Variants in CFAP77 observed in about 807,000 individuals in gnomAD.
CFAP77 encodes cilia- and flagella-associated protein 77.
CFAP77 carries 25 observed loss-of-function variants against 31.1 expected under a neutral mutation model. The ratio of observed to expected loss-of-function variants is 0.80; its 90% CI spans 0.59 to 1.12. CFAP77 has a LOEUF of 1.12. CFAP77 is among the 50% of genes most tolerant of loss of function. CFAP77 has a pLI of 0.00. For missense variants in CFAP77, 377 were observed against 397.3 expected (o/e 0.95, Z 0.44); for synonymous variants, 151 against 159.9 (o/e 0.94, Z 0.42).
At chr9:132,472,391 T>G (rs1222176483) in intron 1 of CFAP77, among the ~76,000 whole-genome samples, 2 of 152,212 alleles carry the variant, frequency 1.3e-5, no homozygotes, top group African/African-American at 4.8e-5. Context: ...ACATGACTGT[T>G]TCCACAGTCT....
chr9:132,437,839 G>A (rs1415203362), intron 1 of CFAP77, among the ~76,000 whole-genome samples: 13 of 150,678 alleles, frequency 8.6e-5, no homozygotes, highest in Non-Finnish European at 1.5e-4. Flanking sequence ...AGATCACCCC[G>A]GGTGTGGAAA....
intron 1 of CFAP77, among the ~76,000 whole-genome samples, chr9:132,429,824 C>T (rs1055036889): frequency 2.0e-5 from 3 of 152,124 alleles, no homozygotes; most frequent in African/African-American, 7.2e-5. Context: ...GCACTCCAGC[C>T]TGGGCGACAG....
At chr9:132,530,802 C>G (rs895485181) in intron 3 of CFAP77, among the ~76,000 whole-genome samples, 14 of 152,108 alleles carry the variant, frequency 9.2e-5, no homozygotes, top group Non-Finnish European at 2.1e-4. Flanking sequence ...TTTTTTCTTT[C>G]ATGGGTTATA....
intron 1 of CFAP77, among the ~76,000 whole-genome samples, chr9:132,436,505 A>G (rs1446088274): frequency 1.3e-5 from 2 of 152,218 alleles, no homozygotes; most frequent in Non-Finnish European, 2.9e-5. Flanking sequence ...AAAAATTTGA[A>G]TTGGTCACTT....
At chr9:132,432,006 T>A (rs1850418636) in intron 1 of CFAP77, among the ~76,000 whole-genome samples, 1 of 152,140 alleles carries the variant, frequency 6.6e-6, no homozygotes, top group African/African-American at 2.4e-5. Flanking sequence ...AAACCACGCC[T>A]GTGAACGTCA....
chr9:132,411,533 G>T (rs1186106529), intron 1 of CFAP77, among the ~76,000 whole-genome samples: 3 of 152,158 alleles, frequency 2.0e-5, no homozygotes, highest in African/African-American at 7.2e-5. Context: ...CTGCACCTGG[G>T]GGAGGCTGGC....
chr9:132,519,778 A>AGATG (rs1268252199), intron 3 of CFAP77, among the ~76,000 whole-genome samples: 571 of 26,478 alleles, frequency 0.022, 8 homozygotes, highest in African/African-American at 0.072. Flanking sequence ...ATGGGTGGAT[A>AGATG]GATGGATGGA....
intron 1 of CFAP77, among the ~76,000 whole-genome samples, chr9:132,459,420 GGTGTGTGTGT>G (rs112825234): frequency 5.6e-5 from 8 of 143,870 alleles, no homozygotes; most frequent in Admixed American, 1.4e-4. Flanking sequence ...GGATGAATAG[GGTGTGTGTGT>G]GTGTGTGTGT....
rs1022826354 is a variant in CFAP77 at position 132,545,430 on chromosome 9, A to G, written c.732+2383A>G. On this transcript the variant is annotated intron_variant, in intron 5 of 5. Transcript: ENST00000393216. The surrounding 1 kb of genome is among the most constrained non-coding windows in gnomAD (Gnocchi z 4.6). The stretch of plus-strand genomic sequence containing the variant: ...GCCGAGACACATGACCTATCGGGCC[A>G]TAAAACTCATGAGAAAGAAAATCAA... Among the ~76,000 whole-genome samples the G allele has an allele frequency of 2.0e-5, 3 of 152,132 alleles. No homozygotes were observed. The highest frequency in any genetic ancestry group is 4.4e-5 in the Non-Finnish European group (3 of 68,026).
At position 132,554,601 on chromosome 9, in the gene CFAP77, T is replaced by C. The variant is rs1162581003; in HGVS notation, c.732+11554T>C. On this transcript the variant is annotated intron_variant, in intron 5 of 5. Coordinates refer to ENST00000393216, the MANE Select transcript of CFAP77 (RefSeq NM_001282957.2). This position sits in a 1 kb window ranked among gnomAD's most constrained non-coding sequence, Gnocchi z 4.1. ...ATCTGCCCGCCTTGGCCTCCCAAAG[T>C]GTTAGGATCACAGGCATGAGCCACT... 6.6e-6 allele frequency among the ~76,000 whole-genome samples: 1 copy of C among 152,180 alleles called. No homozygotes were observed. Among genetic ancestry groups the C allele is most frequent in the Non-Finnish European group, 1.5e-5 (1 of 68,030 alleles).
At position 132,543,058 on chromosome 9, in the gene CFAP77, C is replaced by T; in HGVS notation, c.732+11C>T. On this transcript the variant is annotated intron_variant, in intron 5 of 5. Transcript: ENST00000393216. ...CCTCACTTCCAGAAGGTCAGTGTCA[C>T]CTTCATCCACACCCCTCCCTGCACC... is the stretch of plus-strand genomic sequence containing the variant. The T allele has an allele frequency of 6.2e-7, 1 of 1,607,944 alleles. No homozygotes were observed. Among genetic ancestry groups the T allele is most frequent in the East Asian group, 2.2e-5 (1 of 44,866 alleles).
intron 1 of CFAP77, among the ~76,000 whole-genome samples, chr9:132,466,951 G>A (rs1029006896): frequency 3.0e-4 from 46 of 152,338 alleles, no homozygotes; most frequent in Admixed American, 2.7e-3. Flanking sequence ...GCCGAGGCGG[G>A]TGGATCACCT....
rs1336262596 is a variant in CFAP77 at position 132,552,335 on chromosome 9, G to T, written c.732+9288G>T. On this transcript the variant is annotated intron_variant, in intron 5 of 5. Transcript: ENST00000393216. This position sits in a 1 kb window ranked among gnomAD's most constrained non-coding sequence, Gnocchi z 5.5. ...TGGGAGGGACGAGGCCCTGGAAGCTGCTCCTTTAGATGAGTTATTCGAAAA... is the reference window on the plus strand; with the variant it reads ...TGGGAGGGACGAGGCCCTGGAAGCTTCTCCTTTAGATGAGTTATTCGAAAA... 6.6e-6 allele frequency among the ~76,000 whole-genome samples: 1 copy of T among 152,242 alleles called. No homozygotes were observed. The highest frequency in any genetic ancestry group is 1.5e-5 in the Non-Finnish European group (1 of 68,038).
chr9:132,478,109 ATCCCCACATGT>A (rs1851381115), intron 1 of CFAP77, among the ~76,000 whole-genome samples: 1 of 152,170 alleles, frequency 6.6e-6, no homozygotes, highest in East Asian at 1.9e-4. Context: ...TGGAATTGTA[ATCCCCACATGT>A]TGAAGATGGG....
intron 3 of CFAP77, among the ~76,000 whole-genome samples, chr9:132,530,171 AG>A (rs1852417224): frequency 1.0e-5 from 1 of 95,844 alleles, no homozygotes; most frequent in South Asian, 3.6e-4. Context: ...TTTTGTAGAG[AG>A]GGTTTTGCCA....
intron 1 of CFAP77, among the ~76,000 whole-genome samples, chr9:132,435,454 T>C (rs1488064400): frequency 6.6e-6 from 1 of 152,206 alleles, no homozygotes; most frequent in Admixed American, 6.5e-5. Flanking sequence ...TTATCTCCAG[T>C]TGTCAATAAT....
chr9:132,487,747 C>A (rs1228725337), intron 1 of CFAP77, among the ~76,000 whole-genome samples: 2 of 149,944 alleles, frequency 1.3e-5, no homozygotes, highest in Non-Finnish European at 3.0e-5. Flanking sequence ...CAGTGTTCAA[C>A]TGACACTCAC....
chr9:132,431,797 A>T (rs1367852718), intron 1 of CFAP77, among the ~76,000 whole-genome samples: 2 of 152,198 alleles, frequency 1.3e-5, no homozygotes, highest in African/African-American at 4.8e-5. Context: ...TTACTCAAAG[A>T]CATATTAGGC....
At chr9:132,438,879 T>C (rs1441198738) in intron 1 of CFAP77, among the ~76,000 whole-genome samples, 1 of 151,034 alleles carries the variant, frequency 6.6e-6, no homozygotes, top group Non-Finnish European at 1.5e-5. Flanking sequence ...TCTTTTCTTT[T>C]CTTTTTTTTT....
Sources: allele counts gnomAD v4.1 joint callset (sites outside exome capture counted in the v4.1 genomes callset), GRCh38; gene constraint gnomAD v4.1.1; non-coding constraint Gnocchi (gnomAD v3.1); transcripts MANE v1.5; gene names NCBI Gene and HGNC (gene_info 2026-07-23, HGNC 2026-07-21).